Variants in ADGRL3 observed in about 807,000 individuals in gnomAD.
ADGRL3 encodes calcium-independent alpha-latrotoxin receptor 3.
A neutral mutation model predicts 153.5 loss-of-function variants in ADGRL3; 62 were observed. The ratio of observed to expected loss-of-function variants is 0.40; its 90% CI spans 0.33 to 0.50. The LOEUF (loss-of-function observed/expected upper bound fraction) is 0.50, where lower values mean the gene tolerates loss of function less well. ADGRL3 is among the 20% of genes least tolerant of loss of function. ADGRL3 has a pLI of 0.47. For synonymous variants in ADGRL3, 710 were observed against 672.5 expected (o/e 1.06, Z -0.86); for missense variants, 1,641 against 1,859.4 (o/e 0.88, Z 2.16).
chr4:61,532,712 A>G (rs1321460705), intron 4 of ADGRL3, among the ~76,000 whole-genome samples: 1 of 151,736 alleles, frequency 6.6e-6, no homozygotes, highest in Non-Finnish European at 1.5e-5. Flanking sequence ...AATACAGAGT[A>G]AAACCGATAG....
At chr4:61,634,766 A>C (rs921864169) in intron 5 of ADGRL3, among the ~76,000 whole-genome samples, 2 of 152,172 alleles carry the variant, frequency 1.3e-5, no homozygotes, top group African/African-American at 4.8e-5. Context: ...TAACCTAAAA[A>C]ATAAAATATT....
chr4:61,767,219 T>C (rs949820210), intron 8 of ADGRL3, among the ~76,000 whole-genome samples: 2 of 151,950 alleles, frequency 1.3e-5, no homozygotes, highest in African/African-American at 2.4e-5. Context: ...GAGATATAGC[T>C]GTAGTCCAGG....
chr4:61,816,794 G>T (rs2097693323), intron 9 of ADGRL3, among the ~76,000 whole-genome samples: 1 of 152,090 alleles, frequency 6.6e-6, no homozygotes, highest in South Asian at 2.1e-4. Flanking sequence ...CAGGGGCCAG[G>T]AACAGGCACC....
At chr4:61,793,407 A>C (rs1050635265) in intron 8 of ADGRL3, among the ~76,000 whole-genome samples, 1 of 152,178 alleles carries the variant, frequency 6.6e-6, no homozygotes, top group Non-Finnish European at 1.5e-5. Flanking sequence ...TGGGCGACAG[A>C]GCGAGACTCC....
intron 2 of ADGRL3, among the ~76,000 whole-genome samples, chr4:61,432,926 T>G (rs1467357948): frequency 6.6e-6 from 1 of 152,010 alleles, no homozygotes; most frequent in Non-Finnish European, 1.5e-5. Context: ...GTGCTGGGAT[T>G]ACAGGTGTGA....
At chr4:61,260,473 A>G (rs949619106) in intron 1 of ADGRL3, among the ~76,000 whole-genome samples, 1 of 152,192 alleles carries the variant, frequency 6.6e-6, no homozygotes, top group Non-Finnish European at 1.5e-5. Flanking sequence ...GGTGTTAGAC[A>G]ATGCGGTATT....
chr4:61,732,629 G>A (rs909146510), intron 7 of ADGRL3, 125 bp from the exon 8 acceptor site: 14 of 475,884 alleles, frequency 2.9e-5, no homozygotes, highest in African/African-American at 2.6e-4. Context: ...TTAAAAGAAT[G>A]CAGCAAAATA....
intron 1 of ADGRL3, among the ~76,000 whole-genome samples, chr4:61,212,624 T>C (rs1258986600): frequency 2.6e-5 from 4 of 152,196 alleles, no homozygotes; most frequent in African/African-American, 9.6e-5. Flanking sequence ...AAATTTATTA[T>C]TTTACTTTTC....
intron 5 of ADGRL3, among the ~76,000 whole-genome samples, chr4:61,666,564 G>C (rs1421929512): frequency 1.4e-5 from 2 of 142,030 alleles, no homozygotes; most frequent in Non-Finnish European, 3.1e-5. Flanking sequence ...AAGGAAAAAA[G>C]AGTAGAATAG....
At chr4:61,453,954 T>C (rs896499373) in intron 2 of ADGRL3, among the ~76,000 whole-genome samples, 2 of 152,110 alleles carry the variant, frequency 1.3e-5, no homozygotes, top group African/African-American at 4.8e-5. Context: ...TATAAATTGA[T>C]ATATACTCTT....
intron 4 of ADGRL3, among the ~76,000 whole-genome samples, chr4:61,519,093 A>C (rs1271775724): frequency 6.6e-6 from 1 of 152,166 alleles, no homozygotes; most frequent in African/African-American, 2.4e-5. Flanking sequence ...ATTTATATGA[A>C]TCCTATAAAT....
At chr4:61,765,520 A>T (rs909983542) in intron 8 of ADGRL3, among the ~76,000 whole-genome samples, 1 of 152,202 alleles carries the variant, frequency 6.6e-6, no homozygotes, top group South Asian at 2.1e-4. Flanking sequence ...CGTAAGGGAT[A>T]TAAAGGTTTC....
intron 9 of ADGRL3, among the ~76,000 whole-genome samples, chr4:61,838,982 G>A (rs748061749): frequency 1.3e-5 from 2 of 152,140 alleles, no homozygotes; most frequent in Non-Finnish European, 2.9e-5. Context: ...CTAATATAAG[G>A]AGTCCTGTTG....
chr4:61,745,681 G>A (rs553015482), intron 8 of ADGRL3, among the ~76,000 whole-genome samples: 11 of 152,110 alleles, frequency 7.2e-5, no homozygotes, highest in Non-Finnish European at 1.3e-4. Flanking sequence ...TCACCACCAG[G>A]GCTTCCCTAA....
Position 61,539,677 on chromosome 4 carries a change from A to G in ADGRL3, c.259+22159A>G, listed in dbSNP as rs116695397. On this transcript the variant is annotated intron_variant, in intron 4 of 26. Coordinates refer to ENST00000683033, the MANE Select transcript of ADGRL3 (RefSeq NM_001387552.1). ...GCCAGTGTACCTGTCCAAGCTGGCT[A>G]CTTGGTGCTCTGTCTCTGGGAAGTT... Among the ~76,000 whole-genome samples, 608 of 152,274 alleles carry G rather than the reference A, an allele frequency of 4.0e-3. 6 individuals carry two copies. Among genetic ancestry groups the G allele is most frequent in the African/African-American group, 0.014 (577 of 41,554 alleles).
chr4:61,548,806 G>A (rs191624833), intron 4 of ADGRL3, among the ~76,000 whole-genome samples: 89 of 151,904 alleles, frequency 5.9e-4, no homozygotes, highest in Admixed American at 1.6e-3. Context: ...GGCTATTTGA[G>A]CTATTTTTTG....
In ADGRL3 at chr4:61,592,073, CAAAAAA is replaced by C. The variant is rs34116654; in HGVS notation, c.473+4646_473+4651del. 1.2e-3 allele frequency among the ~76,000 whole-genome samples: 144 copies of C among 123,650 alleles called. 2 individuals carry two copies. The highest frequency in any genetic ancestry group is 3.9e-3 in the African/African-American group (135 of 34,184). 81.1% of individuals were successfully genotyped at this position (123,650 alleles called of 152,430 possible). On this transcript the variant is annotated intron_variant, in intron 5 of 26. Coordinates refer to ENST00000683033, the MANE Select transcript of ADGRL3 (RefSeq NM_001387552.1). Reference sequence around the variant, plus strand: ...CCTGGGTGACAGAATGAAACTGCTTCAAAAAAAAAAAAAAAAAATAGAGAAAGAATT... The same window carrying C: ...CCTGGGTGACAGAATGAAACTGCTTCAAAAAAAAAAAATAGAGAAAGAATT...
intron 13 of ADGRL3, among the ~76,000 whole-genome samples, chr4:61,916,170 T>A (rs1581445043): frequency 6.6e-6 from 1 of 152,190 alleles, no homozygotes; most frequent in South Asian, 2.1e-4. Context: ...GTGGCTGGTG[T>A]GATATTTTAA....
At chr4:61,959,461 A>G (rs2098979910) in intron 17 of ADGRL3, among the ~76,000 whole-genome samples, 1 of 152,102 alleles carries the variant, frequency 6.6e-6, no homozygotes. Flanking sequence ...TTTAAAGATT[A>G]CTATTATCAC....
Sources: gnomAD v4.1 joint callset for allele counts (sites outside exome capture counted in the v4.1 genomes callset) on GRCh38, gnomAD v4.1.1 for gene constraint, MANE v1.5 for transcripts, NCBI Gene and HGNC (gene_info 2026-07-23, HGNC 2026-07-21) for gene names.